The following TENM2 variants were observed in gnomAD, a reference collection of about 807,000 sequenced individuals.
The protein encoded by TENM2 is teneurin transmembrane protein 2.
TENM2 carries 52 observed loss-of-function variants against 245.2 expected under a neutral mutation model. That is an observed-to-expected ratio of 0.21 (90% CI 0.17 to 0.27). The LOEUF (loss-of-function observed/expected upper bound fraction) is 0.27, where lower values mean the gene tolerates loss of function less well. TENM2 is among the 10% of genes least tolerant of loss of function. TENM2 has a pLI of 1.00. For synonymous variants in TENM2, 1,363 were observed against 1,438.9 expected, an observed-to-expected ratio of 0.95 and a Z score of 1.19; for missense variants, 3,046 against 3,666.8, an observed-to-expected ratio of 0.83 and a Z score of 4.37.
chr5:167,557,779 C>T (rs555497652), intron 2 of TENM2, among the ~76,000 whole-genome samples: 1 of 152,192 alleles, frequency 6.6e-6, no homozygotes, highest in Non-Finnish European at 1.5e-5. Flanking sequence ...AGGGAGGCTG[C>T]TAAACATCAC....
At chr5:167,071,877 C>T in the TENM2 span, among the ~76,000 whole-genome samples, 87 of 113,296 alleles carry the variant, frequency 7.7e-4, no homozygotes, top group African/African-American at 2.4e-3. Flanking sequence ...TTTGACAAAT[C>T]GCCCCCCCCC....
chr5:168,157,624 A>G (rs1757299752), intron 12 of TENM2, among the ~76,000 whole-genome samples: 1 of 152,156 alleles, frequency 6.6e-6, no homozygotes, highest in African/African-American at 2.4e-5. Context: ...TAGAAGAGAC[A>G]AGAGAAGGTA....
chr5:167,111,492 T>G, the TENM2 span, among the ~76,000 whole-genome samples: 1 of 152,340 alleles, frequency 6.6e-6, no homozygotes, highest in Non-Finnish European at 1.5e-5. Flanking sequence ...GAAGCACCTG[T>G]TGCGCAAAGA....
chr5:167,597,009 C>T (rs1248120643), intron 2 of TENM2, among the ~76,000 whole-genome samples: 3 of 151,930 alleles, frequency 2.0e-5, no homozygotes, highest in Admixed American at 6.6e-5. Context: ...GCTGCTTATG[C>T]GAAAAGTTCA....
At chr5:167,382,549 A>C (rs1016990427) in intron 2 of TENM2, among the ~76,000 whole-genome samples, 12 of 152,196 alleles carry the variant, frequency 7.9e-5, no homozygotes, top group African/African-American at 2.7e-4. Context: ...CTTATTTGTG[A>C]AGAAGAAAAG....
intron 12 of TENM2, among the ~76,000 whole-genome samples, chr5:168,154,186 C>T (rs1299357543): frequency 8.0e-6 from 1 of 124,530 alleles, no homozygotes; most frequent in African/African-American, 2.9e-5. Context: ...CTTGAAACAT[C>T]AAAACACCAA....
intron 4 of TENM2, among the ~76,000 whole-genome samples, chr5:167,981,537 A>C (rs757534301): frequency 2.6e-5 from 4 of 152,204 alleles, no homozygotes; most frequent in Non-Finnish European, 5.9e-5. Context: ...GAGGTATAAG[A>C]AGACAGCTGA....
the TENM2 span, among the ~76,000 whole-genome samples, chr5:167,137,423 A>T: frequency 3.3e-4 from 50 of 152,330 alleles, no homozygotes; most frequent in Non-Finnish European, 6.6e-4. Context: ...AAAAATATGA[A>T]AAAAAGGTTG....
chr5:168,261,960 G>A, intron 28 of TENM2, 89 bp from the exon 31 acceptor site: 1 of 1,304,490 alleles, frequency 7.7e-7, no homozygotes, highest in Non-Finnish European at 1.1e-6. Flanking sequence ...GTTCTTGCAG[G>A]AGAGTTCCAA....
the TENM2 span, among the ~76,000 whole-genome samples, chr5:167,069,707 A>G: frequency 6.6e-6 from 1 of 152,238 alleles, no homozygotes; most frequent in Non-Finnish European, 1.5e-5. Context: ...AGCAGTGGTT[A>G]TCATTGGCTG....
the TENM2 span, among the ~76,000 whole-genome samples, chr5:167,149,500 C>T: frequency 6.6e-6 from 1 of 152,022 alleles, no homozygotes; most frequent in Non-Finnish European, 1.5e-5. Flanking sequence ...GATGGTGTGG[C>T]CCATTCTTCT....
chr5:167,097,110 G>C, the TENM2 span, among the ~76,000 whole-genome samples: 1 of 152,114 alleles, frequency 6.6e-6, no homozygotes, highest in Non-Finnish European at 1.5e-5. Flanking sequence ...CCGCCCGAGA[G>C]AGTCAAACGC....
the TENM2 span, among the ~76,000 whole-genome samples, chr5:167,039,229 C>A: frequency 6.6e-6 from 1 of 152,034 alleles, no homozygotes; most frequent in Non-Finnish European, 1.5e-5. Context: ...GAGCTGCTAT[C>A]TCCAGATGTT....
At chr5:167,005,075 C>G in the TENM2 span, among the ~76,000 whole-genome samples, 1 of 152,126 alleles carries the variant, frequency 6.6e-6, no homozygotes, top group East Asian at 1.9e-4. Context: ...ATAAAAAAAA[C>G]TAAAAAGGAC....
At chr5:167,991,311 A>G (rs1332080835) in intron 4 of TENM2, among the ~76,000 whole-genome samples, 3 of 152,212 alleles carry the variant, frequency 2.0e-5, no homozygotes, top group Admixed American at 6.5e-5. Context: ...TCATTCATTC[A>G]CTAAAATCCC....
At position 168,041,611 on chromosome 5, in the gene TENM2, G is replaced by A. The variant is rs568710075; in HGVS notation, c.1187-5816G>A. Among the ~76,000 whole-genome samples the A allele has an allele frequency of 2.0e-4, 31 of 152,254 alleles. No homozygotes were observed. In the South Asian group the frequency reaches 5.8e-3, roughly 29 times the overall value. On this transcript the variant is annotated intron_variant, in intron 5 of 28. Transcript: ENST00000518659. Reference sequence around the variant, plus strand: ...GAAATTTTCAATGCATCCCCCACCTGCGAGTGCCTCTGAACCCTAAACCTG... The same window carrying A: ...GAAATTTTCAATGCATCCCCCACCTACGAGTGCCTCTGAACCCTAAACCTG...
At chr5:167,941,045 T>C (rs1047856628) in intron 3 of TENM2, among the ~76,000 whole-genome samples, 1 of 152,220 alleles carries the variant, frequency 6.6e-6, no homozygotes, top group Non-Finnish European at 1.5e-5. Flanking sequence ...TGATAAATAC[T>C]AGAATGTTTC....
At chr5:167,636,837 C>A (rs1779235614) in intron 2 of TENM2, among the ~76,000 whole-genome samples, 2 of 152,094 alleles carry the variant, frequency 1.3e-5, no homozygotes, top group Non-Finnish European at 2.9e-5. Flanking sequence ...AATAAAATAA[C>A]CACAACTTCT....
chr5:167,597,482 C>G (rs1351511363), intron 2 of TENM2, among the ~76,000 whole-genome samples: 1 of 152,078 alleles, frequency 6.6e-6, no homozygotes, highest in African/African-American at 2.4e-5. Context: ...ATGCCCCATC[C>G]CCATATGTAA....
Sources: allele counts gnomAD v4.1 joint callset (sites outside exome capture counted in the v4.1 genomes callset), GRCh38; gene constraint gnomAD v4.1.1; transcripts MANE v1.5; gene names NCBI Gene and HGNC (gene_info 2026-07-23, HGNC 2026-07-21).